The following METAP1 variants were observed in gnomAD, a reference collection of about 807,000 sequenced individuals.
METAP1 encodes the protein methionyl aminopeptidase 1.
A neutral mutation model predicts 53.8 loss-of-function variants in METAP1; 28 were observed. The ratio of observed to expected loss-of-function variants is 0.52; its 90% CI spans 0.39 to 0.71. The LOEUF (loss-of-function observed/expected upper bound fraction) is 0.71. Among genes scored for constraint, METAP1 ranks in the 30% least tolerant of loss-of-function variants. METAP1 has a pLI of 0.00. For synonymous variants in METAP1, 181 were observed against 165.7 expected (o/e 1.09, Z -0.71); for missense variants, 389 against 479.8 (o/e 0.81, Z 1.77).
chr4:99,007,815 T>G (rs1206643337), intron 1 of METAP1, among the ~76,000 whole-genome samples: 1 of 152,256 alleles, frequency 6.6e-6, no homozygotes, highest in East Asian at 1.9e-4. Flanking sequence ...ACTCTCTGAT[T>G]GCTTCCTAGC....
chr4:98,997,142 A>G (rs565118715), intron 1 of METAP1, among the ~76,000 whole-genome samples: 2 of 152,376 alleles, frequency 1.3e-5, no homozygotes, highest in African/African-American at 4.8e-5. Context: ...ATAAGAATGA[A>G]GGCAGATATA....
chr4:99,046,953 A>AAAAAAG (rs1224263473), intron 8 of METAP1, among the ~76,000 whole-genome samples: 185 of 149,074 alleles, frequency 1.2e-3, no homozygotes, highest in African/African-American at 2.0e-3. Flanking sequence ...AAAAAAAAAA[A>AAAAAAG]AAAAAGAAAA....
intron 9 of METAP1, among the ~76,000 whole-genome samples, chr4:99,057,465 C>T (rs751889259): frequency 4.6e-5 from 7 of 152,088 alleles, no homozygotes; most frequent in Non-Finnish European, 8.8e-5. Context: ...CTTTATTTGC[C>T]ACTTTTCTTT....
At chr4:99,044,844 G>A (rs763931049) in intron 7 of METAP1, among the ~76,000 whole-genome samples, 2 of 152,164 alleles carry the variant, frequency 1.3e-5, no homozygotes, top group Non-Finnish European at 2.9e-5. Context: ...ATGTAGCAAA[G>A]TTTTCAATTT....
intron 1 of METAP1, chr4:99,025,583 T>A (rs1350216952): frequency 1.5e-6 from 1 of 669,126 alleles, no homozygotes; most frequent in Non-Finnish European, 1.8e-6. Flanking sequence ...AGAACCACAC[T>A]ATCCCATTTT....
chr4:99,034,917 A>G (rs923076909), intron 3 of METAP1, among the ~76,000 whole-genome samples: 1 of 152,182 alleles, frequency 6.6e-6, no homozygotes, highest in African/African-American at 2.4e-5. Context: ...AATTCATTCA[A>G]GTTGAAATCT....
chr4:99,031,855 C>G (rs1046631236), intron 2 of METAP1, among the ~76,000 whole-genome samples: 2 of 152,220 alleles, frequency 1.3e-5, no homozygotes, highest in African/African-American at 4.8e-5. Flanking sequence ...TTGCATGTAT[C>G]ACGTACTTAT....
intron 8 of METAP1, among the ~76,000 whole-genome samples, chr4:99,045,761 C>T (rs1301823016): frequency 6.6e-6 from 1 of 152,076 alleles, no homozygotes; most frequent in Non-Finnish European, 1.5e-5. Context: ...TAGGTTTTTT[C>T]TCTCTCCTGT....
intron 1 of METAP1, among the ~76,000 whole-genome samples, chr4:99,004,513 A>C (rs994087442): frequency 7.4e-6 from 1 of 134,534 alleles, no homozygotes; most frequent in African/African-American, 2.6e-5. Flanking sequence ...ACACACACAC[A>C]AAATAACACA....
rs202113897 is a variant in METAP1 at position 99,061,276 on chromosome 4, C to G, written c.1120C>G (p.Arg374Gly). ...CACTGGCTGTGAAATCCTAACCCGGCGACTTGACAGTGCACGGCCTCACTT... is the reference window on the plus strand; with the variant it reads ...CACTGGCTGTGAAATCCTAACCCGGGGACTTGACAGTGCACGGCCTCACTT... The part of the protein sequence containing the change: ...TDTGCEILTR[R>G]LDSARPHFMS... The change falls in exon 11 of 11, where the codon CGA becomes GGA. Residue 374 changes from arginine (R) to glycine (G), a missense_variant. By Grantham distance (125) the Arg-to-Gly change is moderately radical. Transcript: ENST00000296411. 1.2e-6 allele frequency: 2 copies of G among 1,613,834 alleles called. No homozygotes were observed. The highest frequency in any genetic ancestry group is 3.3e-5 in the Admixed American group (2 of 59,998).
At chr4:99,021,496 C>T (rs1056312461) in intron 1 of METAP1, among the ~76,000 whole-genome samples, 13 of 152,028 alleles carry the variant, frequency 8.6e-5, no homozygotes, top group Middle Eastern at 3.4e-3. Context: ...TGTCCCCATA[C>T]GAGCCACAAA....
chr4:99,052,884 T>C (rs1203123534), intron 9 of METAP1, among the ~76,000 whole-genome samples: 1 of 152,248 alleles, frequency 6.6e-6, no homozygotes, highest in Non-Finnish European at 1.5e-5. Context: ...TGCTCCTGTT[T>C]TATCAACTAA....
At chr4:99,017,634 TTAGA>T (rs1723849396) in intron 1 of METAP1, among the ~76,000 whole-genome samples, 1 of 152,266 alleles carries the variant, frequency 6.6e-6, no homozygotes, top group Non-Finnish European at 1.5e-5. Context: ...GTGGTTATAG[TTAGA>T]TAATCTCTTT....
chr4:99,011,972 T>C (rs1258009176), intron 1 of METAP1, among the ~76,000 whole-genome samples: 1 of 152,062 alleles, frequency 6.6e-6, no homozygotes, highest in Non-Finnish European at 1.5e-5. Context: ...CAAAACAAAA[T>C]GAGCTTGGAA....
chr4:99,012,784 T>C (rs1723553905), intron 1 of METAP1, among the ~76,000 whole-genome samples: 1 of 151,810 alleles, frequency 6.6e-6, no homozygotes, highest in African/African-American at 2.4e-5. Context: ...GGGTTACAGC[T>C]TGATTTTATA....
At chr4:98,999,508 A>ATT (rs58336779) in intron 1 of METAP1, among the ~76,000 whole-genome samples, 4,372 of 112,990 alleles carry the variant, frequency 0.039, 565 homozygotes, top group African/African-American at 0.16. Flanking sequence ...AGGATGCTTA[A>ATT]TTTTTTTTTT....
intron 9 of METAP1, among the ~76,000 whole-genome samples, chr4:99,055,219 C>T (rs1319685626): frequency 6.6e-6 from 1 of 151,922 alleles, no homozygotes; most frequent in African/African-American, 2.4e-5. Context: ...GGTGAAACCA[C>T]GCTTCTACTA....
intron 1 of METAP1, chr4:99,023,167 A>G (rs1724272760): frequency 1.7e-6 from 1 of 603,660 alleles, no homozygotes; most frequent in African/African-American, 1.9e-5. Flanking sequence ...TAATTTCATT[A>G]CTTCTAATGA....
intron 1 of METAP1, chr4:99,005,875 T>G (rs748483802): frequency 5.9e-6 from 2 of 338,984 alleles, no homozygotes; most frequent in Non-Finnish European, 1.2e-5. Context: ...CTGTGGGTAC[T>G]CAAAGACATT....
Sources: gnomAD v4.1 joint callset for allele counts (sites outside exome capture counted in the v4.1 genomes callset) on GRCh38, gnomAD v4.1.1 for gene constraint, MANE v1.5 for transcripts, NCBI Gene and HGNC (gene_info 2026-07-23, HGNC 2026-07-21) for gene names.